Variants in KCNQ1 observed in about 807,000 individuals in gnomAD.
KCNQ1 encodes potassium voltage-gated channel subfamily Q member 1, also known as potassium voltage-gated channel subfamily KQT member 1.
Under a neutral mutation model 72.4 loss-of-function variants are expected in KCNQ1, and 49 were observed. That is an observed-to-expected ratio of 0.68 (90% CI 0.54 to 0.86). The LOEUF (loss-of-function observed/expected upper bound fraction) is 0.86, where lower values mean the gene tolerates loss of function less well. Among genes scored for constraint, KCNQ1 ranks in the 40% least tolerant of loss-of-function variants. The pLI is 0.00. For missense variants in KCNQ1, 790 were observed against 945.1 expected, an observed-to-expected ratio of 0.84 and a Z score of 2.15; for synonymous variants, 450 against 412.6, an observed-to-expected ratio of 1.09 and a Z score of -1.10.
chr11:2,486,029 C>T lies in KCNQ1; in HGVS notation c.386+40545C>T, dbSNP rs1314774599. Among the ~76,000 whole-genome samples the T allele has an allele frequency of 6.6e-6, 1 of 152,018 alleles. No individual in the cohort carries two copies. Among genetic ancestry groups the T allele is most frequent in the Non-Finnish European group, 1.5e-5 (1 of 67,998 alleles). ...GGGTGTACAAATATCTTTTCAACGC[C>T]CTGCTTTCAATTCTTTTGGGTATAT... On this transcript the variant is annotated intron_variant, in intron 1 of 15. Transcript: ENST00000155840. This position sits in a 1 kb window ranked among gnomAD's most constrained non-coding sequence, Gnocchi z 5.0.
Position 2,588,862 on chromosome 11 carries a change from C to T in KCNQ1, c.1393+8C>T. The T allele has an allele frequency of 1.2e-6, 2 of 1,611,344 alleles. No homozygotes were observed. Among genetic ancestry groups the T allele is most frequent in the Non-Finnish European group, 1.7e-6 (2 of 1,179,812 alleles). On this transcript the variant is annotated splice_region_variant and intron_variant, in intron 10 of 15. Coordinates refer to ENST00000155840, the MANE Select transcript of KCNQ1 (RefSeq NM_000218.3). The surrounding 1 kb of genome is among the most constrained non-coding windows in gnomAD (Gnocchi z 5.6). ...ACGGCTATGACAGTTCTGGTGAGAA[C>T]CCCTCAGGCAGTTGGGGGCCGCGGG... is the stretch of plus-strand genomic sequence containing the variant.
In KCNQ1 at chr11:2,620,189, G is replaced by T. The variant is rs1039119438; in HGVS notation, c.1393+31335G>T. On this transcript the variant is annotated intron_variant, in intron 10 of 15. Coordinates refer to ENST00000155840, the MANE Select transcript of KCNQ1 (RefSeq NM_000218.3). This position sits in a 1 kb window ranked among gnomAD's most constrained non-coding sequence, Gnocchi z 4.5. Reference sequence around the variant, plus strand: ...ATCCATGTTGCTGCAAAGGACGTAAGTTCATTCATGTATATATATATATTT... The same window carrying T: ...ATCCATGTTGCTGCAAAGGACGTAATTTCATTCATGTATATATATATATTT... The T allele has an allele frequency of 2.7e-6, 1 of 374,844 alleles. No individual in the cohort carries two copies. The highest frequency in any genetic ancestry group is 4.6e-6 in the Non-Finnish European group (1 of 215,644). The allele number at this position is 374,844 out of a possible 1,614,324, so 23.2% of individuals were successfully genotyped here.
chr11:2,629,953 A>G (rs1049855612), intron 10 of KCNQ1: 12 of 398,434 alleles, frequency 3.0e-5, no homozygotes, highest in Non-Finnish European at 5.3e-5. Flanking sequence ...GACTTCCAGT[A>G]CTGTGTTGAA....
At position 2,654,767 on chromosome 11, in the gene KCNQ1, G is replaced by A. The variant is rs995689293; in HGVS notation, c.1394-7194G>A. 7.5e-6 allele frequency: 3 copies of A among 398,686 alleles called. No individual in the cohort carries two copies. Among genetic ancestry groups the A allele is most frequent in the Non-Finnish European group, 1.3e-5 (3 of 226,174 alleles). The allele number at this position is 398,686 out of a possible 1,614,324, so 24.7% of individuals were successfully genotyped here. A position where few individuals can be genotyped will look rare whatever the true frequency, so the allele number is the denominator to read the frequency against. On this transcript the variant is annotated intron_variant, in intron 10 of 15. Transcript: ENST00000155840. The surrounding 1 kb of genome is among the most constrained non-coding windows in gnomAD (Gnocchi z 6.4). ...GTCTGGGGCTCGATGAGAAGGCAGAGGAAGTGAGACCAGAATTTCTTGGGA... is the reference window on the plus strand; with the variant it reads ...GTCTGGGGCTCGATGAGAAGGCAGAAGAAGTGAGACCAGAATTTCTTGGGA...
intron 10 of KCNQ1, chr11:2,616,288 T>A: frequency 2.5e-6 from 1 of 397,910 alleles, no homozygotes; most frequent in Non-Finnish European, 4.4e-6. Context: ...TCTAATTTTT[T>A]ATTAGTCATT....
At chr11:2,577,038 G>A (rs1848432926) in intron 6 of KCNQ1, among the ~76,000 whole-genome samples, 1 of 152,206 alleles carries the variant, frequency 6.6e-6, no homozygotes, top group Non-Finnish European at 1.5e-5. Flanking sequence ...GCCAATGCAG[G>A]GCCCGCTGCA....
chr11:2,590,597 C>T (rs1025448778), intron 10 of KCNQ1, among the ~76,000 whole-genome samples: 45 of 152,384 alleles, frequency 3.0e-4, no homozygotes, highest in African/African-American at 9.9e-4. Context: ...TTGCTGTTGT[C>T]CAGACAGACA....
At position 2,600,573 on chromosome 11, in the gene KCNQ1, A is replaced by G. The variant is rs184032076; in HGVS notation, c.1393+11719A>G. Among the ~76,000 whole-genome samples the G allele has an allele frequency of 6.6e-6, 1 of 152,322 alleles. No individual in the cohort carries two copies. Among genetic ancestry groups the G allele is most frequent in the Admixed American group, 6.5e-5 (1 of 15,308 alleles). On this transcript the variant is annotated intron_variant, in intron 10 of 15. Transcript: ENST00000155840. This position sits in a 1 kb window ranked among gnomAD's most constrained non-coding sequence, Gnocchi z 5.6. ...CTGTGTATTTCTGAAAAATAAAGATATTATCTTTGAAAGCAGTAATACAGT... is the reference window on the plus strand; with the variant it reads ...CTGTGTATTTCTGAAAAATAAAGATGTTATCTTTGAAAGCAGTAATACAGT...
chr11:2,518,470 C>T (rs554547740), intron 1 of KCNQ1, among the ~76,000 whole-genome samples: 41 of 152,292 alleles, frequency 2.7e-4, no homozygotes, highest in African/African-American at 8.2e-4. Context: ...GGAGGTGCTG[C>T]AGGCACAGGA....
intron 1 of KCNQ1, among the ~76,000 whole-genome samples, chr11:2,519,158 G>A (rs1375450221): frequency 2.0e-5 from 3 of 152,204 alleles, no homozygotes; most frequent in African/African-American, 4.8e-5. Flanking sequence ...AAGGGCTGGG[G>A]TGCTAGGGAG....
chr11:2,701,421 C>G (rs577425426), intron 11 of KCNQ1, among the ~76,000 whole-genome samples: 1 of 152,246 alleles, frequency 6.6e-6, no homozygotes, highest in East Asian at 1.9e-4. Flanking sequence ...GTTCATGTGT[C>G]TGATCAGAGG....
At chr11:2,630,238 G>C in intron 10 of KCNQ1, 1 of 398,060 alleles carries the variant, frequency 2.5e-6, no homozygotes, top group Non-Finnish European at 4.4e-6. Flanking sequence ...ACACTTAACT[G>C]TCCTTATGTA....
rs80069256 is a variant in KCNQ1 at position 2,711,741 on chromosome 11, T to C, written c.1514+49660T>C. On this transcript the variant is annotated intron_variant, in intron 11 of 15. Coordinates refer to ENST00000155840, the MANE Select transcript of KCNQ1 (RefSeq NM_000218.3). This position sits in a 1 kb window ranked among gnomAD's most constrained non-coding sequence, Gnocchi z 5.4. ...CTTTACCACCAGGGAAATAGAACTT[T>C]GGCAGCTTACAAAGGAGTTTTATTT... Among the ~76,000 whole-genome samples the C allele has an allele frequency of 0.011, 1,733 of 152,352 alleles. 56 individuals carry two copies. The highest frequency in any genetic ancestry group is 0.09 in the East Asian group (469 of 5,188).
At chr11:2,512,696 C>T (rs74486508) in intron 1 of KCNQ1, among the ~76,000 whole-genome samples, 1,726 of 152,320 alleles carry the variant, frequency 0.011, 33 homozygotes, top group African/African-American at 0.039. Context: ...TCTGGGGCCA[C>T]ACTCTCTGGT....
intron 15 of KCNQ1, among the ~76,000 whole-genome samples, chr11:2,789,585 T>G (rs1846978911): frequency 6.6e-6 from 1 of 152,190 alleles, no homozygotes. Flanking sequence ...CGCATCTCTG[T>G]GCAGCCACAG....
In KCNQ1 at chr11:2,652,437, C is replaced by T. The variant is rs1252571475; in HGVS notation, c.1394-9524C>T. On this transcript the variant is annotated intron_variant, in intron 10 of 15. Transcript: ENST00000155840. This position sits in a 1 kb window ranked among gnomAD's most constrained non-coding sequence, Gnocchi z 5.9. Reference sequence around the variant, plus strand: ...AATTTTGTCTTGAAAATCAAGGCCACTTTTTTGTTTTCTCCATCCAAAGAC... The same window carrying T: ...AATTTTGTCTTGAAAATCAAGGCCATTTTTTTGTTTTCTCCATCCAAAGAC... 1 of 398,582 alleles carries T rather than the reference C, an allele frequency of 2.5e-6. No homozygotes were observed. Among genetic ancestry groups the T allele is most frequent in the East Asian group, 3.6e-5 (1 of 28,078 alleles). 24.7% of individuals were successfully genotyped at this position (398,582 alleles called of 1,614,324 possible). A position where few individuals can be genotyped will look rare whatever the true frequency, so the allele number is the denominator to read the frequency against.
rs1849026235 is a variant in KCNQ1 at position 2,614,338 on chromosome 11, T to G, written c.1393+25484T>G. 3 of 398,608 alleles carry G rather than the reference T, an allele frequency of 7.5e-6. No homozygotes were observed. In the Admixed American group the frequency reaches 1.3e-4, roughly 18 times the overall value. The allele number at this position is 398,608 out of a possible 1,614,324, so 24.7% of individuals were successfully genotyped here. A position where few individuals can be genotyped will look rare whatever the true frequency, so the allele number is the denominator to read the frequency against. ...TAATTCTGTCTGTGCTGCTTTTTAG[T>G]CTTCTGTGCACCCTTTAAATTTTTT... is the stretch of plus-strand genomic sequence containing the variant. On this transcript the variant is annotated intron_variant, in intron 10 of 15. Transcript: ENST00000155840.
Position 2,690,550 on chromosome 11 carries a change from G to C in KCNQ1, c.1514+28469G>C. On this transcript the variant is annotated intron_variant, in intron 11 of 15. Transcript: ENST00000155840. The surrounding 1 kb of genome is among the most constrained non-coding windows in gnomAD (Gnocchi z 5.1). ...TGCCACTGGGCCTAGGGAAGGACAA[G>C]AAGTAACATGTCAAAGATGGGACAG... 1 of 398,700 alleles carries C rather than the reference G, an allele frequency of 2.5e-6. No individual in the cohort carries two copies. The highest frequency in any genetic ancestry group is 4.4e-6 in the Non-Finnish European group (1 of 226,098). 24.7% of individuals were successfully genotyped at this position (398,700 alleles called of 1,614,324 possible).
At position 2,759,709 on chromosome 11, in the gene KCNQ1, GC is replaced by G. The variant is rs1453361015; in HGVS notation, c.1515-9134del. Among the ~76,000 whole-genome samples the G allele has an allele frequency of 2.6e-5, 4 of 152,214 alleles. No individual in the cohort carries two copies. Among genetic ancestry groups the G allele is most frequent in the Admixed American group, 6.5e-5 (1 of 15,288 alleles). ...CAGAAGGGGCCGAGAGCTTGTCCAGGCAGGGTGGATACAAGGGGCTTGCATC... is the reference window on the plus strand; with the variant it reads ...CAGAAGGGGCCGAGAGCTTGTCCAGGAGGGTGGATACAAGGGGCTTGCATC... On this transcript the variant is annotated intron_variant, in intron 11 of 15. Coordinates refer to ENST00000155840, the MANE Select transcript of KCNQ1 (RefSeq NM_000218.3). The surrounding 1 kb of genome is among the most constrained non-coding windows in gnomAD (Gnocchi z 4.4).
Sources: allele counts gnomAD v4.1 joint callset (sites outside exome capture counted in the v4.1 genomes callset), GRCh38; gene constraint gnomAD v4.1.1; non-coding constraint Gnocchi (gnomAD v3.1); transcripts MANE v1.5; gene names NCBI Gene and HGNC (gene_info 2026-07-23, HGNC 2026-07-21).